The following PLPP1 variants were observed in gnomAD, a reference collection of about 807,000 sequenced individuals.
PLPP1 encodes the protein phospholipid phosphatase 1, also known as lipid phosphate phosphohydrolase 1a.
PLPP1 carries 24 observed loss-of-function variants against 31.2 expected under a neutral mutation model. The observed-to-expected ratio is 0.77, with a 90% CI of 0.56 to 1.08. PLPP1 has a LOEUF of 1.08. Among genes scored for constraint, PLPP1 ranks in the 50% least tolerant of loss-of-function variants. The pLI, the probability that PLPP1 is intolerant of heterozygous loss-of-function variation, is 0.00. For missense variants in PLPP1, 319 were observed against 342.7 expected (o/e 0.93, Z 0.55); for synonymous variants, 146 against 126.3 (o/e 1.16, Z -1.05).
intron 4 of PLPP1, among the ~76,000 whole-genome samples, chr5:55,436,940 C>A (rs539110960): frequency 5.3e-5 from 8 of 152,232 alleles, no homozygotes; most frequent in African/African-American, 1.9e-4. Context: ...AAGGGGTTAA[C>A]CCTCATGAAA....
intron 1 of PLPP1, among the ~76,000 whole-genome samples, chr5:55,500,631 T>C (rs1446872626): frequency 1.2e-5 from 1 of 85,902 alleles, no homozygotes; most frequent in Non-Finnish European, 2.9e-5. Context: ...TGAAGTTTTA[T>C]TCTGTGGGTA....
At chr5:55,488,269 TAAA>T (rs932346308) in intron 1 of PLPP1, among the ~76,000 whole-genome samples, 1 of 140,288 alleles carries the variant, frequency 7.1e-6, no homozygotes, top group East Asian at 2.0e-4. Flanking sequence ...ATACTATAAC[TAAA>T]AAAAAAAAAA....
chr5:55,468,278 CTT>C, intron 2 of PLPP1, 129 bp from the exon 3 acceptor site: 1 of 821,668 alleles, frequency 1.2e-6, no homozygotes, highest in Non-Finnish European at 1.8e-6. Context: ...GTCCCAGCCC[CTT>C]TTTTCTTTAC....
rs1422612014 is a variant in PLPP1 at position 55,532,985 on chromosome 5, A to G, written c.58+1587T>C. ...AAAAAAAAAAAAGACAATGTGCCAA[A>G]ATTGTGTTCCACTTTCCTAAACTTA... On this transcript the variant is annotated intron_variant, in intron 1 of 5. Coordinates refer to ENST00000307259, the MANE Select transcript of PLPP1 (RefSeq NM_003711.4). Among the ~76,000 whole-genome samples the G allele has an allele frequency of 2.0e-5, 3 of 151,894 alleles. No individual in the cohort carries two copies. In the East Asian group the frequency reaches 5.8e-4, roughly 30 times the overall value.
chr5:55,509,288 G>C (rs992963767), intron 1 of PLPP1, among the ~76,000 whole-genome samples: 3 of 152,208 alleles, frequency 2.0e-5, no homozygotes, highest in Non-Finnish European at 4.4e-5. Flanking sequence ...CCTGGTGGCA[G>C]GTGAGAGGTA....
intron 1 of PLPP1, among the ~76,000 whole-genome samples, chr5:55,493,006 G>T (rs1168483613): frequency 2.0e-5 from 3 of 152,136 alleles, no homozygotes; most frequent in Non-Finnish European, 4.4e-5. Context: ...AATACATGTT[G>T]TGTTCACGAT....
intron 2 of PLPP1, among the ~76,000 whole-genome samples, chr5:55,471,955 C>CT (rs201454354): frequency 3.1e-4 from 12 of 38,440 alleles, no homozygotes; most frequent in Non-Finnish European, 5.6e-4. Context: ...ATAGTTATCT[C>CT]TTTAAAAAAA....
rs1431675902 is a variant in PLPP1, at chr5:55,433,066, CG to C, written c.550-7028del. On this transcript the variant is annotated intron_variant, in intron 4 of 5. Coordinates refer to ENST00000307259, the MANE Select transcript of PLPP1 (RefSeq NM_003711.4). ...GCTCACACCTGTAATCCCAGCACTTCGGAAGGTCAAGGCGGGCAGATCGCCT... is the reference window on the plus strand; with the variant it reads ...GCTCACACCTGTAATCCCAGCACTTCGAAGGTCAAGGCGGGCAGATCGCCT... Among the ~76,000 whole-genome samples, 4 of 150,318 alleles carry C rather than the reference CG, an allele frequency of 2.7e-5. No individual in the cohort carries two copies. The East Asian group carries it at 7.9e-4, about 30-fold the overall frequency.
chr5:55,516,970 T>A (rs895647344), intron 1 of PLPP1, among the ~76,000 whole-genome samples: 1 of 152,172 alleles, frequency 6.6e-6, no homozygotes, highest in South Asian at 2.1e-4. Flanking sequence ...GCAGAAAGTA[T>A]TAATATGTCT....
chr5:55,427,412 C>G (rs1751231597), intron 4 of PLPP1, among the ~76,000 whole-genome samples: 1 of 152,294 alleles, frequency 6.6e-6, no homozygotes, highest in Non-Finnish European at 1.5e-5. Context: ...CTGAGTCTGA[C>G]TCATCAGCAA....
intron 3 of PLPP1, among the ~76,000 whole-genome samples, chr5:55,443,192 A>AAAAAAAAAAAAAAAAAAAAAAAAT: frequency 3.9e-5 from 1 of 25,416 alleles, no homozygotes; most frequent in African/African-American, 1.1e-4. Context: ...AAAAAAAAAA[A>AAAAAAAAAAAAAAAAAAAAAAAAT]ATATATATAT....
intron 1 of PLPP1, among the ~76,000 whole-genome samples, chr5:55,518,816 T>C (rs1178062193): frequency 1.3e-5 from 2 of 152,194 alleles, no homozygotes. Flanking sequence ...TTTACCACTA[T>C]GATCCTGAGA....
rs537680058 is a variant in PLPP1 at position 55,425,784 on chromosome 5, T to A, written c.726+79A>T. 33 of 1,238,398 alleles carry A rather than the reference T, an allele frequency of 2.7e-5. No individual in the cohort carries two copies. The East Asian group carries it at 4.1e-4, about 15-fold the overall frequency. 76.7% of individuals were successfully genotyped at this position (1,238,398 alleles called of 1,614,324 possible). ...CATAGTCTTCTCCTCAGCTGGGGAT[T>A]TTTTGGATTTTTTTTTTCTATTTAC... On this transcript the variant is annotated intron_variant, in intron 5 of 5. Transcript: ENST00000307259.
Position 55,475,171 on chromosome 5 carries a change from G to A in PLPP1, c.210+128C>T, listed in dbSNP as rs939087876. ...GCTGAGATTCTCTTGATCAAATAAAGCATCAATTAAAGGTTTAAAAAGCAT... is the reference window on the plus strand; with the variant it reads ...GCTGAGATTCTCTTGATCAAATAAAACATCAATTAAAGGTTTAAAAAGCAT... On this transcript the variant is annotated intron_variant, in intron 2 of 5. Transcript: ENST00000307259. 6 of 811,660 alleles carry A rather than the reference G, an allele frequency of 7.4e-6. No homozygotes were observed. The Admixed American group carries it at 1.8e-4, about 24-fold the overall frequency. The allele number at this position is 811,660 out of a possible 1,614,324, so 50.3% of individuals were successfully genotyped here.
intron 1 of PLPP1, among the ~76,000 whole-genome samples, chr5:55,505,638 G>C (rs774765513): frequency 6.6e-6 from 1 of 152,064 alleles, no homozygotes; most frequent in Non-Finnish European, 1.5e-5. Flanking sequence ...CACAGGTCAA[G>C]AAAAGTCAAA....
intron 1 of PLPP1, among the ~76,000 whole-genome samples, chr5:55,517,010 A>G (rs905173396): frequency 6.6e-6 from 1 of 152,176 alleles, no homozygotes; most frequent in African/African-American, 2.4e-5. Context: ...AAAGTCTCCT[A>G]TAATTCACTA....
chr5:55,509,693 G>A (rs1357229473), intron 1 of PLPP1, among the ~76,000 whole-genome samples: 3 of 151,988 alleles, frequency 2.0e-5, no homozygotes, highest in African/African-American at 7.2e-5. Context: ...AAAAAATCAC[G>A]AGCTATTAGG....
chr5:55,426,779 G>C lies in PLPP1; in HGVS notation c.550-740C>G, dbSNP rs552168848. Among the ~76,000 whole-genome samples the C allele has an allele frequency of 1.6e-3, 246 of 151,920 alleles. 3 individuals are homozygous for C. The highest frequency in any genetic ancestry group is 3.1e-3 in the Non-Finnish European group (210 of 68,000). The stretch of plus-strand genomic sequence containing the variant: ...TGGGCACAGGTTGCCATTGCTCTGG[G>C]CCTATCTAGGGACTATTTCATTAAT... On this transcript the variant is annotated intron_variant, in intron 4 of 5. Transcript: ENST00000307259.
At chr5:55,499,507 C>A (rs1753088060) in intron 1 of PLPP1, among the ~76,000 whole-genome samples, 1 of 152,182 alleles carries the variant, frequency 6.6e-6, no homozygotes, top group African/African-American at 2.4e-5. Flanking sequence ...CCTCACAAGA[C>A]TCTTAAACAG....
Sources: gnomAD v4.1 joint callset for allele counts (sites outside exome capture counted in the v4.1 genomes callset) on GRCh38, gnomAD v4.1.1 for gene constraint, MANE v1.5 for transcripts, NCBI Gene and HGNC (gene_info 2026-07-23, HGNC 2026-07-21) for gene names.